The following KLF12 variants were observed in gnomAD, a reference collection of about 807,000 sequenced individuals.
KLF12 encodes Krueppel-like factor 12.
KLF12 carries 9 observed loss-of-function variants against 37.8 expected under a neutral mutation model. That is an observed-to-expected ratio of 0.24 (90% CI 0.14 to 0.42). The LOEUF (loss-of-function observed/expected upper bound fraction) is 0.42, where lower values mean the gene tolerates loss of function less well. KLF12 is among the 10% of genes least tolerant of loss of function. The probability of loss-of-function intolerance (pLI) is 1.00; values close to 1 mark genes in which losing one functional copy is unlikely to be tolerated. For synonymous variants in KLF12, 208 were observed against 202.1 expected (o/e 1.03, Z -0.25); for missense variants, 411 against 516.0 (o/e 0.80, Z 1.97).
upstream of KLF12, among the ~76,000 whole-genome samples, chr13:74,136,847 T>G (rs1878572905): frequency 6.6e-6 from 1 of 150,914 alleles, no homozygotes; most frequent in Admixed American, 6.6e-5. Context: ...TGTTGACAGA[T>G]ATGGAGTAGA....
At chr13:73,818,642 T>C (rs1044939750) in intron 4 of KLF12, among the ~76,000 whole-genome samples, 1 of 152,254 alleles carries the variant, frequency 6.6e-6, no homozygotes, top group Non-Finnish European at 1.5e-5. Flanking sequence ...CAATATTAAA[T>C]GTGTACGACA....
the KLF12 span, among the ~76,000 whole-genome samples, chr13:74,283,247 A>G: frequency 2.0e-5 from 3 of 152,204 alleles, no homozygotes; most frequent in Non-Finnish European, 2.9e-5. Flanking sequence ...AATACTTGCT[A>G]TATATTTTCA....
chr13:74,129,874 G>C (rs1202530002), intron 1 of KLF12, among the ~76,000 whole-genome samples: 2 of 152,192 alleles, frequency 1.3e-5, no homozygotes, highest in Non-Finnish European at 1.5e-5. Context: ...ACAATATAGA[G>C]AGAAAGTAAC....
intron 1 of KLF12, among the ~76,000 whole-genome samples, chr13:74,018,377 T>C (rs1474983223): frequency 6.6e-6 from 1 of 152,186 alleles, no homozygotes; most frequent in Non-Finnish European, 1.5e-5. Flanking sequence ...TCAAGACATC[T>C]ATTGTACAGC....
At chr13:73,791,522 CTT>C (rs1234426312) in intron 5 of KLF12, among the ~76,000 whole-genome samples, 1 of 152,104 alleles carries the variant, frequency 6.6e-6, no homozygotes, top group African/African-American at 2.4e-5. Flanking sequence ...AGAAATGTGA[CTT>C]TTAGGCATGT....
intron 1 of KLF12, among the ~76,000 whole-genome samples, chr13:74,025,097 A>G (rs1291021460): frequency 6.6e-6 from 1 of 152,126 alleles, no homozygotes; most frequent in African/African-American, 2.4e-5. Flanking sequence ...AAGAAAGCAA[A>G]CTCCTTTGGA....
chr13:73,935,253 T>C (rs1354715894), intron 3 of KLF12, among the ~76,000 whole-genome samples: 1 of 152,100 alleles, frequency 6.6e-6, no homozygotes, highest in African/African-American at 2.4e-5. Context: ...CCTCCCAAAG[T>C]GCTGGGATTA....
chr13:73,737,534 C>T (rs1877551122), intron 6 of KLF12, among the ~76,000 whole-genome samples: 1 of 152,066 alleles, frequency 6.6e-6, no homozygotes, highest in African/African-American at 2.4e-5. Flanking sequence ...TGCTGTGATT[C>T]TAGTATACTA....
At chr13:73,989,207 G>A (rs1176834681) in intron 2 of KLF12, among the ~76,000 whole-genome samples, 4 of 152,200 alleles carry the variant, frequency 2.6e-5, no homozygotes, top group African/African-American at 9.6e-5. Flanking sequence ...CACCTTTAGT[G>A]AGAGTTAAAA....
chr13:73,721,718 A>AC (rs1876275985), intron 6 of KLF12, among the ~76,000 whole-genome samples: 3 of 145,408 alleles, frequency 2.1e-5, no homozygotes, highest in Non-Finnish European at 4.5e-5. Flanking sequence ...TGCCTAGTTA[A>AC]TTTTTTTTTT....
intron 5 of KLF12, among the ~76,000 whole-genome samples, chr13:73,779,870 A>C (rs1048689894): frequency 6.6e-6 from 1 of 152,248 alleles, no homozygotes; most frequent in African/African-American, 2.4e-5. Flanking sequence ...TGGCTGCCAT[A>C]GATAAATTCT....
Position 73,846,159 on chromosome 13 carries a change from G to A in KLF12, c.338C>T (p.Thr113Ile). Residue 113 changes from threonine (T) to isoleucine (I), a missense_variant, in exon 4 of 8, where the codon ACT becomes ATT. Physicochemically the swap from Thr to Ile is moderately conservative, Grantham distance 89 (BLOSUM62 -1). Transcript: ENST00000377669. The stretch of plus-strand genomic sequence containing the variant: ...ACTAGAAGACGATGAAGAGGTTGAA[G>A]TTGAAGAAGGTGAGGAGGCAGATGC... The A allele has an allele frequency of 3.7e-6, 6 of 1,614,116 alleles. No homozygotes were observed. Among genetic ancestry groups the A allele is most frequent in the South Asian group, 1.1e-5 (1 of 91,088 alleles).
chr13:73,886,953 T>C (rs532672803), intron 3 of KLF12, among the ~76,000 whole-genome samples: 24 of 149,648 alleles, frequency 1.6e-4, no homozygotes, highest in African/African-American at 4.4e-4. Context: ...GATCCCGCCA[T>C]TGTACTCCAG....
At chr13:74,285,161 C>A in the KLF12 span, among the ~76,000 whole-genome samples, 1 of 151,772 alleles carries the variant, frequency 6.6e-6, no homozygotes, top group African/African-American at 2.4e-5. Flanking sequence ...GATCAAATGC[C>A]TATAGCCAGC....
At chr13:73,885,294 A>G (rs1403978888) in intron 3 of KLF12, among the ~76,000 whole-genome samples, 4 of 152,238 alleles carry the variant, frequency 2.6e-5, no homozygotes, top group Admixed American at 2.6e-4. Flanking sequence ...ATTCAAGACA[A>G]AACTAAGGGG....
chr13:74,026,860 G>C (rs185091515), intron 1 of KLF12, among the ~76,000 whole-genome samples: 4 of 152,234 alleles, frequency 2.6e-5, no homozygotes, highest in East Asian at 3.9e-4. Context: ...GCTTCAAGTC[G>C]ATCAGCTAGT....
chr13:74,046,904 ATTTTT>A (rs933488431), intron 1 of KLF12, among the ~76,000 whole-genome samples: 1 of 152,106 alleles, frequency 6.6e-6, no homozygotes, highest in African/African-American at 2.4e-5. Context: ...CTTAAATTTT[ATTTTT>A]TATCTCTTCA....
At chr13:73,757,423 T>C (rs944183406) in intron 6 of KLF12, among the ~76,000 whole-genome samples, 43 of 152,324 alleles carry the variant, frequency 2.8e-4, no homozygotes, top group African/African-American at 9.6e-4. Flanking sequence ...TCTTGTACTA[T>C]GCCAAGAAAT....
At chr13:74,298,375 G>T in the KLF12 span, among the ~76,000 whole-genome samples, 5 of 152,150 alleles carry the variant, frequency 3.3e-5, no homozygotes, top group African/African-American at 1.2e-4. Flanking sequence ...TCCCATGTTT[G>T]GTAGGTGAAC....
Sources: allele counts gnomAD v4.1 joint callset (sites outside exome capture counted in the v4.1 genomes callset), GRCh38; gene constraint gnomAD v4.1.1; transcripts MANE v1.5; gene names NCBI Gene and HGNC (gene_info 2026-07-23, HGNC 2026-07-21).